ADGRB2: variants seen among roughly 807,000 people sequenced by gnomAD.
ADGRB2 encodes the protein adhesion G protein-coupled receptor B2.
Under a neutral mutation model 178.7 loss-of-function variants are expected in ADGRB2, and 47 were observed. The observed-to-expected ratio is 0.26, with a 90% CI of 0.21 to 0.34. The LOEUF is 0.34. ADGRB2 is among the 10% of genes least tolerant of loss of function. ADGRB2 has a pLI of 1.00. For synonymous variants in ADGRB2, 870 were observed against 912.4 expected, an observed-to-expected ratio of 0.95 and a Z score of 0.84; for missense variants, 1,584 against 2,180.8, an observed-to-expected ratio of 0.73 and a Z score of 5.45.
intron 19 of ADGRB2, 37 bp downstream of exon 19, chr1:31,737,615 C>A (rs776991115): frequency 6.2e-7 from 1 of 1,611,870 alleles, no homozygotes; most frequent in Non-Finnish European, 8.5e-7. Flanking sequence ...CGCCTGCCCC[C>A]CCTCCCCCAG....
chr1:31,755,592 C>T lies in ADGRB2; in HGVS notation c.838+407G>A, dbSNP rs867158059. 2.0e-4 allele frequency among the ~76,000 whole-genome samples: 31 copies of T among 152,080 alleles called. No homozygotes were observed. The highest frequency in any genetic ancestry group is 8.5e-4 in the Admixed American group (13 of 15,256). The stretch of plus-strand genomic sequence containing the variant: ...TCCAGGCAAACTTGTCAACTTGCAG[C>T]GCCAGGGCCTGCCACGATCATTCCC... On this transcript the variant is annotated intron_variant, in intron 4 of 32. Coordinates refer to ENST00000373658, the MANE Select transcript of ADGRB2 (RefSeq NM_001364857.2). The surrounding 1 kb of genome is among the most constrained non-coding windows in gnomAD (Gnocchi z 5.1).
In ADGRB2 at chr1:31,742,833, C is replaced by A; in HGVS notation, c.1252+5G>T. The A allele has an allele frequency of 6.8e-7, 1 of 1,461,316 alleles. No homozygotes were observed. 90.5% of individuals were successfully genotyped at this position (1,461,316 alleles called of 1,614,324 possible). A position where few individuals can be genotyped will look rare whatever the true frequency, so the allele number is the denominator to read the frequency against. ...CCCTCATGGAAGCCCACGGGTGCTA[C>A]TGACCCGGGCAGGCAGCCATACTGC... On this transcript the variant is annotated splice_donor_5th_base_variant and intron_variant, in intron 7 of 32. Coordinates refer to ENST00000373658, the MANE Select transcript of ADGRB2 (RefSeq NM_001364857.2).
chr1:31,752,401 G>T (rs973653979), intron 4 of ADGRB2, among the ~76,000 whole-genome samples: 5 of 152,082 alleles, frequency 3.3e-5, no homozygotes, highest in Admixed American at 1.3e-4. Flanking sequence ...GGGTCTCCCC[G>T]CCCCCACCCT....
chr1:31,757,275 C>A lies in ADGRB2; in HGVS notation c.-54G>T. On this transcript the variant is annotated 5_prime_UTR_variant, in exon 3 of 33. Transcript: ENST00000373658. ...TGATCAGCTGTGAGGCATGTCACCG[C>A]GTAATCCTGTGGTAATTGTCAAAGT... 1 of 1,606,942 alleles carries A rather than the reference C, an allele frequency of 6.2e-7. No individual in the cohort carries two copies. The highest frequency in any genetic ancestry group is 1.1e-5 in the South Asian group (1 of 90,766).
At position 31,736,473 on chromosome 1, in the gene ADGRB2, C is replaced by G. The variant is rs79637360; in HGVS notation, c.3131-83G>C. The stretch of plus-strand genomic sequence containing the variant: ...CTCCCAGACTCCCATCCCAGCTGAC[C>G]CCTGTGCCCAGAGAGCTGGGCCAGG... On this transcript the variant is annotated intron_variant, in intron 21 of 32. Coordinates refer to ENST00000373658, the MANE Select transcript of ADGRB2 (RefSeq NM_001364857.2). 6,364 of 1,601,840 alleles carry G rather than the reference C, an allele frequency of 4.0e-3. 207 individuals carry two copies. The African/African-American group carries it at 0.074, about 19-fold the overall frequency.
At chr1:31,730,210 G>A (rs943102951) in intron 29 of ADGRB2, among the ~76,000 whole-genome samples, 8 of 152,204 alleles carry the variant, frequency 5.3e-5, no homozygotes, top group East Asian at 1.9e-4. Context: ...GCAGGGACCC[G>A]GAGGGGTTTG....
Position 31,735,292 on chromosome 1 carries a change from G to A in ADGRB2, c.3354-11C>T. The A allele has an allele frequency of 2.0e-6, 3 of 1,471,174 alleles. No homozygotes were observed. The highest frequency in any genetic ancestry group is 2.1e-5 in the Admixed American group (1 of 46,758). 91.1% of individuals were successfully genotyped at this position (1,471,174 alleles called of 1,614,324 possible). On this transcript the variant is annotated splice_polypyrimidine_tract_variant and intron_variant, in intron 24 of 32. Coordinates refer to ENST00000373658, the MANE Select transcript of ADGRB2 (RefSeq NM_001364857.2). This position sits in a 1 kb window ranked among gnomAD's most constrained non-coding sequence, Gnocchi z 6.0. ...GGGCACCGCTCCGACCTCGGGGGCG[G>A]CACAGACATGGGAGAAGGAGGGGAA...
At position 31,727,905 on chromosome 1, in the gene ADGRB2, C is replaced by T; in HGVS notation, c.4572+120G>A. ...ACCCCCAGGCGGCCCCAGACTGTTG[C>T]CCATGCCGTGGGGGAGGCCCTTGGT... On this transcript the variant is annotated intron_variant, in intron 32 of 32. Coordinates refer to ENST00000373658, the MANE Select transcript of ADGRB2 (RefSeq NM_001364857.2). This position sits in a 1 kb window ranked among gnomAD's most constrained non-coding sequence, Gnocchi z 4.4. 5.3e-6 allele frequency: 7 copies of T among 1,322,814 alleles called. No individual in the cohort carries two copies. Among genetic ancestry groups the T allele is most frequent in the Non-Finnish European group, 6.1e-6 (6 of 985,334 alleles). The allele number at this position is 1,322,814 out of a possible 1,614,324, so 81.9% of individuals were successfully genotyped here. A position where few individuals can be genotyped will look rare whatever the true frequency, so the allele number is the denominator to read the frequency against.
intron 1 of ADGRB2, among the ~76,000 whole-genome samples, chr1:31,763,211 C>T (rs1359464044): frequency 6.8e-6 from 1 of 147,782 alleles, no homozygotes; most frequent in Non-Finnish European, 1.5e-5. Context: ...GGAGCAGACA[C>T]GGGGGACACG....
chr1:31,741,061 T>C lies in ADGRB2; in HGVS notation c.1794+312A>G, dbSNP rs1197296224. Reference sequence around the variant, plus strand: ...CCATGACTGGCCCTGGGCTGGATGCTGGGGACACAAAAATAAATTCAAGGA... The same window carrying C: ...CCATGACTGGCCCTGGGCTGGATGCCGGGGACACAAAAATAAATTCAAGGA... On this transcript the variant is annotated intron_variant, in intron 11 of 32. Transcript: ENST00000373658. The surrounding 1 kb of genome is among the most constrained non-coding windows in gnomAD (Gnocchi z 6.5). Among the ~76,000 whole-genome samples the C allele has an allele frequency of 6.6e-6, 1 of 152,124 alleles. No individual in the cohort carries two copies. The highest frequency in any genetic ancestry group is 2.4e-5 in the African/African-American group (1 of 41,414).
At position 31,735,514 on chromosome 1, in the gene ADGRB2, G is replaced by A. The variant is rs747202876; in HGVS notation, c.3353+66C>T. 19 of 1,560,182 alleles carry A rather than the reference G, an allele frequency of 1.2e-5. No individual in the cohort carries two copies. Among genetic ancestry groups the A allele is most frequent in the Non-Finnish European group, 1.7e-5 (19 of 1,136,394 alleles). On this transcript the variant is annotated intron_variant, in intron 24 of 32. Coordinates refer to ENST00000373658, the MANE Select transcript of ADGRB2 (RefSeq NM_001364857.2). The surrounding 1 kb of genome is among the most constrained non-coding windows in gnomAD (Gnocchi z 6.0). ...ATCATCGAGCCCTGAGTCTCCAAGA[G>A]CACCCATGTCCCTCCCTCCCTGCAC...
chr1:31,756,573 C>A lies in ADGRB2; in HGVS notation c.264G>T (p.Gln88His). The change falls in exon 4 of 33, where the codon CAG (glutamine) becomes CAT (histidine). Residue 88 changes from glutamine to histidine, a missense_variant. Physicochemically the swap from Gln to His is conservative, Grantham distance 24. Around this residue, in one of 3 missense-constraint regions of ADGRB2, gnomAD observed 657 missense variants for 847.6 expected, o/e 0.78. Coordinates refer to ENST00000373658, the MANE Select transcript of ADGRB2 (RefSeq NM_001364857.2). This position sits in a 1 kb window ranked among gnomAD's most constrained non-coding sequence, Gnocchi z 8.5. The stretch of plus-strand genomic sequence containing the variant: ...GGCGGGGGGCAAAGTGTGCGCACAC[C>A]TGCTCCTGGCGGTTGAAGCGCAGGT... ...SLYLRFNRQEQVCAHFAPRLL... is the reference protein window; with the variant it reads ...SLYLRFNRQEHVCAHFAPRLL... 3 of 1,611,410 alleles carry A rather than the reference C, an allele frequency of 1.9e-6. No individual in the cohort carries two copies. Among genetic ancestry groups the A allele is most frequent in the Admixed American group, 3.3e-5 (2 of 59,838 alleles).
Position 31,735,106 on chromosome 1 carries a change from C to T in ADGRB2, c.3452+77G>A. 3 of 972,480 alleles carry T rather than the reference C, an allele frequency of 3.1e-6. 1 individual carries two copies. Among genetic ancestry groups the T allele is most frequent in the Non-Finnish European group, 2.9e-6 (2 of 689,712 alleles). 60.2% of individuals were successfully genotyped at this position (972,480 alleles called of 1,614,324 possible). On this transcript the variant is annotated intron_variant, in intron 25 of 32. Coordinates refer to ENST00000373658, the MANE Select transcript of ADGRB2 (RefSeq NM_001364857.2). This position sits in a 1 kb window ranked among gnomAD's most constrained non-coding sequence, Gnocchi z 6.0. ...GCACTGGGCTGATATCCCTCCTCCT[C>T]CCCCCACCATGGGCACTGCCCCCCC...
In ADGRB2 at chr1:31,758,006, G is replaced by A. The variant is rs1240083893; in HGVS notation, c.-190-495C>T. ...GCTGAGGATGGGGGGAGCTGCAGGTGCCCTCCCACCCACCAGGCCAGGGCT... is the reference window on the plus strand; with the variant it reads ...GCTGAGGATGGGGGGAGCTGCAGGTACCCTCCCACCCACCAGGCCAGGGCT... On this transcript the variant is annotated intron_variant, in intron 1 of 32. Transcript: ENST00000373658. This position sits in a 1 kb window ranked among gnomAD's most constrained non-coding sequence, Gnocchi z 4.2. Among the ~76,000 whole-genome samples, 1 of 152,122 alleles carries A rather than the reference G, an allele frequency of 6.6e-6. No individual in the cohort carries two copies. The highest frequency in any genetic ancestry group is 1.5e-5 in the Non-Finnish European group (1 of 68,014).
Position 31,736,290 on chromosome 1 carries a change from C to G in ADGRB2, c.3200+31G>C, listed in dbSNP as rs746450087. 2.5e-6 allele frequency: 4 copies of G among 1,611,026 alleles called. No individual in the cohort carries two copies. In the African/African-American group the frequency reaches 5.3e-5, roughly 22 times the overall value. On this transcript the variant is annotated intron_variant, in intron 22 of 32. Coordinates refer to ENST00000373658, the MANE Select transcript of ADGRB2 (RefSeq NM_001364857.2). ...CCGATTCCCTAACAGATCCACTACCCGCTACCACCCACCACGGGAGGCCCA... is the reference window on the plus strand; with the variant it reads ...CCGATTCCCTAACAGATCCACTACCGGCTACCACCCACCACGGGAGGCCCA...
intron 1 of ADGRB2, among the ~76,000 whole-genome samples, chr1:31,763,004 C>A (rs1647089028): frequency 6.6e-6 from 1 of 152,238 alleles, no homozygotes; most frequent in Non-Finnish European, 1.5e-5. Context: ...CGGGAGTGGC[C>A]GCCAACTTCA....
rs1205733717 is a variant in ADGRB2, at chr1:31,733,673, G to C, written c.3453-530C>G. Among the ~76,000 whole-genome samples the C allele has an allele frequency of 2.6e-5, 4 of 152,128 alleles. No homozygotes were observed. Among genetic ancestry groups the C allele is most frequent in the Admixed American group, 2.0e-4 (3 of 15,270 alleles). The stretch of plus-strand genomic sequence containing the variant: ...CACGAATCCTCAGGGAGAAGACAGG[G>C]GGCCAGGACCAGTGAAGCAGAACTC... On this transcript the variant is annotated intron_variant, in intron 25 of 32. Transcript: ENST00000373658. The surrounding 1 kb of genome is among the most constrained non-coding windows in gnomAD (Gnocchi z 4.3).
In ADGRB2 at chr1:31,735,567, G is replaced by T; in HGVS notation, c.3353+13C>A. The T allele has an allele frequency of 6.2e-7, 1 of 1,611,496 alleles. No individual in the cohort carries two copies. Among genetic ancestry groups the T allele is most frequent in the South Asian group, 1.1e-5 (1 of 90,996 alleles). The stretch of plus-strand genomic sequence containing the variant: ...TTTCCAGAAAGGCCAAGTCTCAGAG[G>T]CCCCCCCCTTACCCGGCCCTCTGCT... On this transcript the variant is annotated intron_variant, in intron 24 of 32. Transcript: ENST00000373658. This position sits in a 1 kb window ranked among gnomAD's most constrained non-coding sequence, Gnocchi z 6.0.
At chr1:31,745,582 G>A (rs191714333) in intron 4 of ADGRB2, among the ~76,000 whole-genome samples, 16 of 152,328 alleles carry the variant, frequency 1.1e-4, no homozygotes, top group Non-Finnish European at 2.2e-4. Flanking sequence ...ACAATGGGGT[G>A]TCAGGGAGGG....
Sources: gnomAD v4.1 joint callset for allele counts (sites outside exome capture counted in the v4.1 genomes callset) on GRCh38, gnomAD v4.1.1 for gene constraint, gnomAD v4.1.1 regional missense constraint, Gnocchi (gnomAD v3.1) non-coding constraint, MANE v1.5 for transcripts, NCBI Gene and HGNC (gene_info 2026-07-23, HGNC 2026-07-21) for gene names.